Variants in SH2D4A observed in about 807,000 individuals in gnomAD.
The protein encoded by SH2D4A is SH2 domain-containing protein 4A.
Under a neutral mutation model 64.7 loss-of-function variants are expected in SH2D4A, and 70 were observed. That is an observed-to-expected ratio of 1.08 (90% CI 0.89 to 1.32). The LOEUF is 1.32. Among genes scored for constraint, SH2D4A ranks in the 40% most tolerant of loss-of-function variants. The pLI, the probability that SH2D4A is intolerant of heterozygous loss-of-function variation, is 0.00. For synonymous variants in SH2D4A, 268 were observed against 200.7 expected (o/e 1.34, Z -2.83); for missense variants, 706 against 540.1 (o/e 1.31, Z -3.04).
chr8:19,368,909 C>A (rs181566527), intron 7 of SH2D4A, among the ~76,000 whole-genome samples: 1 of 152,022 alleles, frequency 6.6e-6, no homozygotes, highest in African/African-American at 2.4e-5. Context: ...TTGTTTTGTT[C>A]CAAGTTTTAA....
intron 7 of SH2D4A, among the ~76,000 whole-genome samples, chr8:19,365,468 T>G (rs2052977481): frequency 6.6e-6 from 1 of 152,200 alleles, no homozygotes; most frequent in Non-Finnish European, 1.5e-5. Context: ...CGGCTCTAAG[T>G]GCTGGAGCTT....
chr8:19,356,514 TG>T (rs1355028331), intron 4 of SH2D4A, among the ~76,000 whole-genome samples: 2 of 152,166 alleles, frequency 1.3e-5, no homozygotes, highest in Admixed American at 1.3e-4. Context: ...CAGGGACTGA[TG>T]GGGGCCTGTG....
At chr8:19,386,724 A>AC (rs1380253962) in intron 8 of SH2D4A, among the ~76,000 whole-genome samples, 4 of 152,182 alleles carry the variant, frequency 2.6e-5, no homozygotes, top group Non-Finnish European at 4.4e-5. Context: ...AAGGGGTTCT[A>AC]CTGTTTAATT....
chr8:19,326,906 C>T (rs577543290), intron 2 of SH2D4A, among the ~76,000 whole-genome samples: 20 of 152,298 alleles, frequency 1.3e-4, no homozygotes, highest in African/African-American at 4.6e-4. Context: ...GTGCCCCTGT[C>T]GAGCCCATCA....
At position 19,365,070 on chromosome 8, in the gene SH2D4A, A is replaced by G. The variant is rs115866088; in HGVS notation, c.917+788A>G. 1.7e-3 allele frequency among the ~76,000 whole-genome samples: 253 copies of G among 152,340 alleles called. 1 individual carries two copies. Among genetic ancestry groups the G allele is most frequent in the African/African-American group, 5.9e-3 (245 of 41,574 alleles). On this transcript the variant is annotated intron_variant, in intron 7 of 9. Transcript: ENST00000265807. ...GATTGAAAGAAACAGAATTGTCTAA[A>G]GCCTTGCATTCTGAAATAAAAACTA...
intron 4 of SH2D4A, among the ~76,000 whole-genome samples, chr8:19,335,391 A>G (rs2052431260): frequency 6.6e-6 from 1 of 152,232 alleles, no homozygotes; most frequent in Admixed American, 6.5e-5. Flanking sequence ...TGAGACTGAA[A>G]GTAACAAGAA....
At position 19,361,236 on chromosome 8, in the gene SH2D4A, G is replaced by C. The variant is rs760730852; in HGVS notation, c.628G>C (p.Glu210Gln). 1 of 1,580,912 alleles carries C rather than the reference G, an allele frequency of 6.3e-7. No individual in the cohort carries two copies. The change falls in exon 6 of 10, where the codon GAA becomes CAA. Residue 210 changes from glutamate to glutamine, a missense_variant. By Grantham distance (29) the Glu-to-Gln change is conservative (BLOSUM62 2). Coordinates refer to ENST00000265807, the MANE Select transcript of SH2D4A (RefSeq NM_022071.4). ...ATCTATGAAGAAAAAACAAGATGAA[G>C]AAATAAATCAAATAGAAGAAGAGAG... ...KESMKKKQDE[E>Q]INQIEEERTK...
Position 19,395,031 on chromosome 8 carries a change from C to T in SH2D4A, c.*389C>T, listed in dbSNP as rs1279305680. 2.6e-5 allele frequency: 4 copies of T among 154,042 alleles called. No individual in the cohort carries two copies. The highest frequency in any genetic ancestry group is 9.6e-5 in the African/African-American group (4 of 41,530). The allele number at this position is 154,042 out of a possible 1,614,324, so 9.5% of individuals were successfully genotyped here. On this transcript the variant is annotated 3_prime_UTR_variant, in exon 10 of 10. Coordinates refer to ENST00000265807, the MANE Select transcript of SH2D4A (RefSeq NM_022071.4). ...GTATCATCTCAGGAGGTTTCAGGGG[C>T]CTGTTGACATGAAGTTTCGAAGTTT... is the stretch of plus-strand genomic sequence containing the variant.
intron 4 of SH2D4A, among the ~76,000 whole-genome samples, chr8:19,338,281 T>C (rs866295531): frequency 1.3e-4 from 20 of 152,224 alleles, no homozygotes; most frequent in African/African-American, 4.6e-4. Context: ...CTCCTCGTGC[T>C]GTAGATTTTA....
chr8:19,394,512 T>TACTTAC, intron 9 of SH2D4A, 38 bp from the exon 10 acceptor site: 1 of 1,446,418 alleles, frequency 6.9e-7, no homozygotes, highest in Non-Finnish European at 9.6e-7. Context: ...ATGTGGTCAC[T>TACTTAC]ACTTACACTA....
intron 8 of SH2D4A, among the ~76,000 whole-genome samples, chr8:19,391,939 G>C (rs1317020413): frequency 1.3e-5 from 2 of 152,200 alleles, no homozygotes; most frequent in African/African-American, 4.8e-5. Context: ...CAAGAGCTTT[G>C]CTGAAATGAA....
intron 7 of SH2D4A, among the ~76,000 whole-genome samples, chr8:19,365,009 C>G (rs182621986): frequency 1.8e-3 from 274 of 152,152 alleles, no homozygotes; most frequent in Non-Finnish European, 2.9e-3. Flanking sequence ...TTTTTAACAT[C>G]CTAGTATTTA....
At chr8:19,366,693 G>A (rs1001979357) in intron 7 of SH2D4A, among the ~76,000 whole-genome samples, 2 of 152,190 alleles carry the variant, frequency 1.3e-5, no homozygotes, top group African/African-American at 2.4e-5. Flanking sequence ...ACTGGAGGCT[G>A]AGGCAGGAGA....
intron 1 of SH2D4A, 154 bp downstream of exon 1, chr8:19,313,977 G>C (rs905207216): frequency 8.0e-7 from 1 of 1,254,630 alleles, no homozygotes; most frequent in Non-Finnish European, 1.0e-6. Context: ...ACCCCTTCGC[G>C]GCGCCCGGGG....
chr8:19,333,077 G>A lies in SH2D4A; in HGVS notation c.304G>A (p.Ala102Thr). Residue 102 changes from alanine to threonine, a missense_variant, in exon 3 of 10, where the codon GCC becomes ACC. By Grantham distance (58) the Ala-to-Thr change is moderately conservative (BLOSUM62 0). Coordinates refer to ENST00000265807, the MANE Select transcript of SH2D4A (RefSeq NM_022071.4). ...CTGTAATGAAATTATTGCTGAGAGGGCCCGGCTGAAAGCAGAACAGGAGGC... is the reference window on the plus strand; with the variant it reads ...CTGTAATGAAATTATTGCTGAGAGGACCCGGCTGAAAGCAGAACAGGAGGC... Reference protein sequence around the residue: ...VLCNEIIAERARLKAEQEAEE... With the variant: ...VLCNEIIAERTRLKAEQEAEE... 4 of 1,613,834 alleles carry A rather than the reference G, an allele frequency of 2.5e-6. No individual in the cohort carries two copies. The highest frequency in any genetic ancestry group is 3.4e-6 in the Non-Finnish European group (4 of 1,179,954).
At position 19,357,248 on chromosome 8, in the gene SH2D4A, T is replaced by G; in HGVS notation, c.559T>G (p.Ser187Ala). 2 of 1,614,064 alleles carry G rather than the reference T, an allele frequency of 1.2e-6. No homozygotes were observed. The highest frequency in any genetic ancestry group is 1.7e-6 in the Non-Finnish European group (2 of 1,179,902). Reference sequence around the variant, plus strand: ...AAATATTCAACAAATGTTGGCAGATTCAATCAATCGTATGAAGGCATATGC... The same window carrying G: ...AAATATTCAACAAATGTTGGCAGATGCAATCAATCGTATGAAGGCATATGC... Reference protein sequence around the residue: ...SRNIQQMLADSINRMKAYAFH... With the variant: ...SRNIQQMLADAINRMKAYAFH... Residue 187 changes from serine (S) to alanine (A), a missense_variant, in exon 5 of 10, where the codon TCA becomes GCA. Physicochemically the swap from Ser to Ala is moderately conservative, Grantham distance 99 (BLOSUM62 1). Transcript: ENST00000265807.
intron 4 of SH2D4A, among the ~76,000 whole-genome samples, chr8:19,356,268 A>T (rs1023399041): frequency 5.3e-5 from 8 of 152,226 alleles, no homozygotes; most frequent in Non-Finnish European, 1.0e-4. Flanking sequence ...AAAGGGGAAG[A>T]TTGAGAAAGC....
At chr8:19,352,311 T>G (rs978963756) in intron 4 of SH2D4A, among the ~76,000 whole-genome samples, 1 of 152,228 alleles carries the variant, frequency 6.6e-6, no homozygotes, top group African/African-American at 2.4e-5. Flanking sequence ...TAGTTATTAT[T>G]TTTCATACTA....
chr8:19,394,232 A>T (rs980944230), intron 9 of SH2D4A, among the ~76,000 whole-genome samples: 4 of 152,186 alleles, frequency 2.6e-5, no homozygotes, highest in African/African-American at 9.7e-5. Flanking sequence ...ATGTAAATAC[A>T]GATGAAGCTT....
Sources: gnomAD v4.1 joint callset for allele counts (sites outside exome capture counted in the v4.1 genomes callset) on GRCh38, gnomAD v4.1.1 for gene constraint, MANE v1.5 for transcripts, NCBI Gene and HGNC (gene_info 2026-07-23, HGNC 2026-07-21) for gene names.